ARID1B: variants seen among roughly 807,000 people sequenced by gnomAD.
The protein encoded by ARID1B is AT-rich interaction domain 1B, also known as AT-rich interactive domain-containing protein 1B.
In ARID1B, 30 loss-of-function variants were observed where a neutral mutation model predicts 212.3. The observed-to-expected ratio is 0.14, with a 90% CI of 0.11 to 0.19. The LOEUF is 0.19. Among genes scored for constraint, ARID1B ranks in the 10% least tolerant of loss-of-function variants. ARID1B has a pLI of 1.00. For missense variants in ARID1B, 2,891 were observed against 3,204.0 expected (o/e 0.90, Z 2.36); for synonymous variants, 1,402 against 1,301.7 (o/e 1.08, Z -1.66).
intron 3 of ARID1B, among the ~76,000 whole-genome samples, chr6:156,912,140 G>A (rs1789941023): frequency 6.6e-6 from 1 of 151,952 alleles, no homozygotes; most frequent in South Asian, 2.1e-4. Flanking sequence ...ATTATACAAT[G>A]TAAGGAATTA....
At chr6:157,027,911 C>T (rs1780762637) in intron 4 of ARID1B, among the ~76,000 whole-genome samples, 1 of 152,184 alleles carries the variant, frequency 6.6e-6, no homozygotes, top group Non-Finnish European at 1.5e-5. Context: ...TCTTTTAGTA[C>T]TTCCGTTGAT....
Position 157,200,921 on chromosome 6 carries a change from A to G in ARID1B, c.4696A>G (p.Ile1566Val). 6.2e-7 allele frequency: 1 copy of G among 1,613,804 alleles called. No individual in the cohort carries two copies. The highest frequency in any genetic ancestry group is 8.5e-7 in the Non-Finnish European group (1 of 1,179,940). ...QGPGQIQTHG[I>V]PPQMMGGPLQ... ...CCCGGGGCAGATCCAGACACACGGA[A>G]TCCCGCCTCAGATGATGGGCGGCCC... The change falls in exon 18 of 20, where the codon ATC becomes GTC. Residue 1566 changes from isoleucine (I) to valine (V), a missense_variant. Coordinates refer to ENST00000636930, the MANE Select transcript of ARID1B (RefSeq NM_001374828.1). This position sits in a 1 kb window ranked among gnomAD's most constrained non-coding sequence, Gnocchi z 4.3.
At position 157,201,197 on chromosome 6, in the gene ARID1B, C is replaced by A. The variant is rs1280483856; in HGVS notation, c.4972C>A (p.Pro1658Thr). 2 of 1,613,752 alleles carry A rather than the reference C, an allele frequency of 1.2e-6. No individual in the cohort carries two copies. Among genetic ancestry groups the A allele is most frequent in the Admixed American group, 3.3e-5 (2 of 60,002 alleles). Residue 1658 changes from proline (P) to threonine (T), a missense_variant, in exon 18 of 20, where the codon CCA (proline) becomes ACA (threonine). Transcript: ENST00000636930. The surrounding 1 kb of genome is among the most constrained non-coding windows in gnomAD (Gnocchi z 5.2). Reference sequence around the variant, plus strand: ...AGCCTCCATGCAGCCCATCACACGCCCACCACAGCCGTCCTACCAGACGCC... The same window carrying A: ...AGCCTCCATGCAGCCCATCACACGCACACCACAGCCGTCCTACCAGACGCC... ...SSASMQPITR[P>T]PQPSYQTPPS...
intron 7 of ARID1B, among the ~76,000 whole-genome samples, chr6:157,142,481 C>T (rs1003451772): frequency 1.3e-5 from 2 of 151,968 alleles, no homozygotes; most frequent in Non-Finnish European, 2.9e-5. Context: ...CAAAAATTGC[C>T]CTAGCATGGT....
intron 7 of ARID1B, among the ~76,000 whole-genome samples, chr6:157,139,354 G>A (rs1468217354): frequency 1.3e-5 from 2 of 152,098 alleles, no homozygotes; most frequent in African/African-American, 2.4e-5. Context: ...ACCTTTTCCC[G>A]AGGTCCATCG....
chr6:156,968,614 A>G (rs1424380283), intron 4 of ARID1B, among the ~76,000 whole-genome samples: 1 of 152,182 alleles, frequency 6.6e-6, no homozygotes, highest in Non-Finnish European at 1.5e-5. Flanking sequence ...CCATATGTGA[A>G]TGGAGTATCA....
At chr6:157,004,897 C>CTTTTT (rs1177807875) in intron 4 of ARID1B, among the ~76,000 whole-genome samples, 4 of 54,712 alleles carry the variant, frequency 7.3e-5, no homozygotes, top group Admixed American at 2.3e-4. Flanking sequence ...CTTCTTTTTT[C>CTTTTT]TTTTTTTTTT....
In ARID1B at chr6:157,200,569, C is replaced by A. The variant is rs545471068; in HGVS notation, c.4480-136C>A. The A allele has an allele frequency of 2.1e-6, 2 of 945,862 alleles. No individual in the cohort carries two copies. Among genetic ancestry groups the A allele is most frequent in the South Asian group, 1.7e-5 (1 of 57,392 alleles). 58.6% of individuals were successfully genotyped at this position (945,862 alleles called of 1,614,324 possible). On this transcript the variant is annotated intron_variant, in intron 17 of 19. Coordinates refer to ENST00000636930, the MANE Select transcript of ARID1B (RefSeq NM_001374828.1). The surrounding 1 kb of genome is among the most constrained non-coding windows in gnomAD (Gnocchi z 4.3). The stretch of plus-strand genomic sequence containing the variant: ...AAATATTGAACATAAATTGTTAGTT[C>A]TCTGTTGTTATAGGAGCTTCCCATA...
chr6:157,024,338 T>G (rs973307835), intron 4 of ARID1B: 3 of 152,260 alleles, frequency 2.0e-5, no homozygotes, highest in African/African-American at 7.2e-5. Flanking sequence ...GGTTGTAAAT[T>G]ATTTCAGAAA....
chr6:157,156,808 G>T (rs1790605889), intron 8 of ARID1B, among the ~76,000 whole-genome samples: 2 of 152,212 alleles, frequency 1.3e-5, no homozygotes, highest in Admixed American at 6.5e-5. Context: ...CACGGAGGCA[G>T]CATGGAGTGG....
At chr6:157,039,624 T>A (rs543693667) in intron 4 of ARID1B, among the ~76,000 whole-genome samples, 165 of 122,792 alleles carry the variant, frequency 1.3e-3, no homozygotes, top group Admixed American at 2.4e-3. Flanking sequence ...CTACCTTCCT[T>A]CCTTCCTTCC....
At chr6:156,919,041 A>G (rs1232699481) in intron 3 of ARID1B, among the ~76,000 whole-genome samples, 4 of 152,214 alleles carry the variant, frequency 2.6e-5, no homozygotes, top group African/African-American at 9.6e-5. Flanking sequence ...AGAAAAAAAG[A>G]CCCATTGAAG....
At chr6:157,000,716 T>TTTTTTTTTTTTTTA (rs1778863620) in intron 4 of ARID1B, among the ~76,000 whole-genome samples, 1 of 102,396 alleles carries the variant, frequency 9.8e-6, no homozygotes, top group Non-Finnish European at 1.9e-5. Flanking sequence ...TTTTTTTTTT[T>TTTTTTTTTTTTTTA]GAGACAGAGT....
intron 4 of ARID1B, among the ~76,000 whole-genome samples, chr6:156,989,468 T>C (rs979680488): frequency 1.3e-5 from 2 of 152,242 alleles, no homozygotes; most frequent in African/African-American, 4.8e-5. Context: ...AGCTGTACTA[T>C]ACAAAGCCAG....
rs149358109 is a variant in ARID1B, at chr6:157,188,051, C to T, written c.3920-1591C>T. ...TTTAACATGTGTTTCCAGGGTTTTA[C>T]GCAAATTTGGTTTGTAAGTATGAGT... is the stretch of plus-strand genomic sequence containing the variant. On this transcript the variant is annotated intron_variant, in intron 13 of 19. Coordinates refer to ENST00000636930, the MANE Select transcript of ARID1B (RefSeq NM_001374828.1). 5.3e-5 allele frequency among the ~76,000 whole-genome samples: 8 copies of T among 152,060 alleles called. No homozygotes were observed. In the East Asian group the frequency reaches 5.8e-4, roughly 11 times the overall value.
intron 3 of ARID1B, 139 bp downstream of exon 3, chr6:156,901,664 C>T (rs1303051751): frequency 9.4e-7 from 1 of 1,066,948 alleles, no homozygotes; most frequent in Non-Finnish European, 1.3e-6. Flanking sequence ...ATAACTGTAA[C>T]CTAATCTAAC....
intron 4 of ARID1B, among the ~76,000 whole-genome samples, chr6:157,000,171 C>T (rs73578075): frequency 0.033 from 5,049 of 152,176 alleles, 276 homozygotes; most frequent in African/African-American, 0.11. Flanking sequence ...ACAGGTGGGA[C>T]GAAACTGGAG....
rs768210321 is a variant in ARID1B at position 157,201,095 on chromosome 6, G to A, written c.4870G>A (p.Val1624Ile). The A allele has an allele frequency of 6.2e-7, 1 of 1,614,160 alleles. No homozygotes were observed. Among genetic ancestry groups the A allele is most frequent in the Non-Finnish European group, 8.5e-7 (1 of 1,180,024 alleles). Reference protein sequence around the residue: ...PGMNRTDDMMVPDQRINHESQ... With the variant: ...PGMNRTDDMMIPDQRINHESQ... ...CATGAACCGCACAGACGATATGATG[G>A]TACCCGATCAGAGGATAAATCATGA... The change falls in exon 18 of 20, where the codon GTA becomes ATA. Residue 1624 changes from valine (V) to isoleucine (I), a missense_variant. This residue lies in a region of ARID1B where 666 missense variants were observed against 873.5 expected (regional missense o/e 0.76). Coordinates refer to ENST00000636930, the MANE Select transcript of ARID1B (RefSeq NM_001374828.1). This position sits in a 1 kb window ranked among gnomAD's most constrained non-coding sequence, Gnocchi z 5.2.
intron 3 of ARID1B, among the ~76,000 whole-genome samples, chr6:156,903,509 C>G (rs1361390941): frequency 6.6e-6 from 1 of 152,070 alleles, no homozygotes; most frequent in Non-Finnish European, 1.5e-5. Context: ...TTTGAGTGGC[C>G]TAATCAGATG....
Sources: gnomAD v4.1 joint callset for allele counts (sites outside exome capture counted in the v4.1 genomes callset) on GRCh38, gnomAD v4.1.1 for gene constraint, gnomAD v4.1.1 regional missense constraint, Gnocchi (gnomAD v3.1) non-coding constraint, MANE v1.5 for transcripts, NCBI Gene and HGNC (gene_info 2026-07-23, HGNC 2026-07-21) for gene names.